The following DLC1 variants were observed in gnomAD, a reference collection of about 807,000 sequenced individuals.
DLC1 encodes the protein DLC1 Rho GTPase activating protein.
DLC1 carries 54 observed loss-of-function variants against 140.3 expected under a neutral mutation model. That is an observed-to-expected ratio of 0.38 (90% CI 0.31 to 0.48). The LOEUF is 0.48. Among genes scored for constraint, DLC1 ranks in the 20% least tolerant of loss-of-function variants. The pLI is 0.96. For synonymous variants in DLC1, 986 were observed against 728.1 expected (o/e 1.35, Z -5.70); for missense variants, 2,536 against 1,907.0 (o/e 1.33, Z -6.14).
Position 13,212,652 on chromosome 8 carries a change from C to T in DLC1, c.1348+92617G>A, listed in dbSNP as rs550438736. 1.5e-4 allele frequency among the ~76,000 whole-genome samples: 23 copies of T among 152,050 alleles called. 1 individual carries two copies. The South Asian group carries it at 2.7e-3, about 18-fold the overall frequency. On this transcript the variant is annotated intron_variant, in intron 5 of 17. Transcript: ENST00000276297. ...AGATGAAATGGGTGACAAATGATTG[C>T]CCGTTTTTAATGATGGACTGCACAG... is the stretch of plus-strand genomic sequence containing the variant.
intron 4 of DLC1, among the ~76,000 whole-genome samples, chr8:13,306,479 C>G (rs1233883914): frequency 6.6e-6 from 1 of 151,824 alleles, no homozygotes; most frequent in African/African-American, 2.4e-5. Context: ...GGTGATATTT[C>G]TTCATTTCTT....
chr8:13,480,913 A>G (rs941768870), intron 2 of DLC1, among the ~76,000 whole-genome samples: 1 of 152,166 alleles, frequency 6.6e-6, no homozygotes, highest in African/African-American at 2.4e-5. Flanking sequence ...CAAAATATAT[A>G]AATAAATAAA....
chr8:13,192,141 G>A (rs1030953558), intron 5 of DLC1, among the ~76,000 whole-genome samples: 1 of 151,684 alleles, frequency 6.6e-6, no homozygotes, highest in Non-Finnish European at 1.5e-5. Context: ...AGTAGAGACA[G>A]GGTTTTACCA....
chr8:13,156,586 C>T (rs995295175), intron 5 of DLC1, among the ~76,000 whole-genome samples: 1 of 152,218 alleles, frequency 6.6e-6, no homozygotes, highest in Non-Finnish European at 1.5e-5. Flanking sequence ...CACTTCCCAT[C>T]CCTTCCTTCC....
chr8:13,570,618 C>A (rs1443658784), intron 1 of DLC1, among the ~76,000 whole-genome samples: 4 of 150,872 alleles, frequency 2.7e-5, no homozygotes, highest in Non-Finnish European at 5.9e-5. Flanking sequence ...CTACAAAGGA[C>A]ATGAACTCAT....
intron 2 of DLC1, among the ~76,000 whole-genome samples, chr8:13,454,465 C>G (rs919021683): frequency 6.6e-6 from 1 of 152,110 alleles, no homozygotes; most frequent in Non-Finnish European, 1.5e-5. Flanking sequence ...ATTTAAATTT[C>G]AACAATACTG....
chr8:13,427,645 C>G (rs141455513), intron 2 of DLC1, among the ~76,000 whole-genome samples: 2 of 152,252 alleles, frequency 1.3e-5, no homozygotes, highest in East Asian at 1.9e-4. Flanking sequence ...ACTTCTTTCT[C>G]AATCCCACTT....
At chr8:13,418,156 T>C (rs1179427952) in intron 2 of DLC1, among the ~76,000 whole-genome samples, 1 of 152,228 alleles carries the variant, frequency 6.6e-6, no homozygotes, top group East Asian at 1.9e-4. Flanking sequence ...TTCTCCCATT[T>C]TGTAAGTTGC....
chr8:13,197,428 A>C (rs1393866149), intron 5 of DLC1, among the ~76,000 whole-genome samples: 2 of 151,876 alleles, frequency 1.3e-5, no homozygotes, highest in East Asian at 3.9e-4. Flanking sequence ...GGCTCACTGC[A>C]AACTCCACCT....
At chr8:13,274,544 G>A (rs1214782645) in intron 5 of DLC1, among the ~76,000 whole-genome samples, 3 of 152,130 alleles carry the variant, frequency 2.0e-5, no homozygotes, top group Admixed American at 1.3e-4. Flanking sequence ...TTTTCTCTAA[G>A]TGTTTTCATT....
At chr8:13,497,280 G>T (rs1801560398) in intron 2 of DLC1, among the ~76,000 whole-genome samples, 1 of 152,088 alleles carries the variant, frequency 6.6e-6, no homozygotes, top group Non-Finnish European at 1.5e-5. Context: ...ATCCAATAAT[G>T]CATAAAACAA....
intron 5 of DLC1, among the ~76,000 whole-genome samples, chr8:13,166,252 A>G (rs1415744828): frequency 1.3e-5 from 2 of 152,212 alleles, no homozygotes; most frequent in Non-Finnish European, 1.5e-5. Context: ...TGCTCCTGCC[A>G]TTACCCTAAT....
chr8:13,409,989 C>T (rs913310970), intron 2 of DLC1, among the ~76,000 whole-genome samples: 4 of 152,036 alleles, frequency 2.6e-5, no homozygotes, highest in African/African-American at 9.7e-5. Flanking sequence ...AAAACCGTTA[C>T]ATGGTTTCTG....
chr8:13,431,504 A>G (rs930471714), intron 2 of DLC1, among the ~76,000 whole-genome samples: 15 of 149,288 alleles, frequency 1.0e-4, no homozygotes, highest in African/African-American at 3.7e-4. Context: ...AAAAAAAAAA[A>G]AAAAAAAAAA....
rs577926700 is a variant in DLC1, at chr8:13,084,857, A to G, written c.*954T>C. 7.2e-5 allele frequency: 11 copies of G among 152,354 alleles called. No individual in the cohort carries two copies. In the East Asian group the frequency reaches 2.1e-3, roughly 29 times the overall value. 9.4% of individuals were successfully genotyped at this position (152,354 alleles called of 1,614,324 possible). On this transcript the variant is annotated 3_prime_UTR_variant, in exon 18 of 18. Transcript: ENST00000276297. ...CTTAAGGCGTTTCTGTTACAAACAC[A>G]AAAATGCAAAGAATTCTAACAGGGA...
chr8:13,511,050 C>A (rs1394701196), intron 1 of DLC1, among the ~76,000 whole-genome samples: 1 of 151,854 alleles, frequency 6.6e-6, no homozygotes, highest in African/African-American at 2.4e-5. Context: ...GTTGATAATT[C>A]CTGGCAAGCT....
At chr8:13,156,927 T>C (rs1041252751) in intron 5 of DLC1, among the ~76,000 whole-genome samples, 3 of 151,762 alleles carry the variant, frequency 2.0e-5, no homozygotes, top group African/African-American at 7.3e-5. Context: ...GCCTTTGTGA[T>C]TTTTTTTTCC....
chr8:13,393,448 C>G lies in DLC1; in HGVS notation c.1314+105G>C, dbSNP rs559039722. On this transcript the variant is annotated intron_variant, in intron 4 of 17. Transcript: ENST00000276297. ...ATTAAATATCATTAAGTCACTATGG[C>G]TAAGATTCCAACAGTATTTCTTCTA... The G allele has an allele frequency of 1.2e-5, 15 of 1,277,720 alleles. No individual in the cohort carries two copies. The East Asian group carries it at 3.1e-4, about 27-fold the overall frequency. The allele number at this position is 1,277,720 out of a possible 1,614,324, so 79.1% of individuals were successfully genotyped here. A position where few individuals can be genotyped will look rare whatever the true frequency, so the allele number is the denominator to read the frequency against.
chr8:13,398,756 G>A (rs1441697980), intron 3 of DLC1, among the ~76,000 whole-genome samples: 1 of 152,176 alleles, frequency 6.6e-6, no homozygotes, highest in Non-Finnish European at 1.5e-5. Context: ...GTAGAGCAAA[G>A]CAGGAGGTGG....
Sources: allele counts gnomAD v4.1 joint callset (sites outside exome capture counted in the v4.1 genomes callset), GRCh38; gene constraint gnomAD v4.1.1; transcripts MANE v1.5; gene names NCBI Gene and HGNC (gene_info 2026-07-23, HGNC 2026-07-21).